KDM4B: variants seen among roughly 807,000 people sequenced by gnomAD.
The protein encoded by KDM4B is lysine demethylase 4B.
Under a neutral mutation model 125.2 loss-of-function variants are expected in KDM4B, and 32 were observed. That is an observed-to-expected ratio of 0.26 (90% CI 0.19 to 0.34). The LOEUF is 0.34. KDM4B is among the 10% of genes least tolerant of loss of function. KDM4B has a pLI of 1.00. For missense variants in KDM4B, 1,190 were observed against 1,577.7 expected (o/e 0.75, Z 4.16); for synonymous variants, 721 against 677.9 (o/e 1.06, Z -0.99).
intron 1 of KDM4B, among the ~76,000 whole-genome samples, chr19:5,007,871 G>C (rs1405135323): frequency 6.6e-6 from 1 of 152,106 alleles, no homozygotes; most frequent in Non-Finnish European, 1.5e-5. Flanking sequence ...TCACTTTCTT[G>C]AGGTCTTTGC....
chr19:5,150,723 G>A (rs964992119), intron 22 of KDM4B, among the ~76,000 whole-genome samples: 2 of 152,082 alleles, frequency 1.3e-5, no homozygotes, highest in Admixed American at 6.5e-5. Flanking sequence ...CCCTTATCAC[G>A]AATGCAGAAC....
At chr19:5,134,184 G>A (rs1356404768) in intron 14 of KDM4B, 123 bp downstream of exon 14, 3 of 889,658 alleles carry the variant, frequency 3.4e-6, no homozygotes, top group East Asian at 2.6e-5. Context: ...CCAGCACCCC[G>A]AGTTGTGAGG....
rs2039679453 is a variant in KDM4B, at chr19:5,137,992, C to T, written c.2472C>T (p.Val824=). 1.2e-6 allele frequency: 2 copies of T among 1,612,452 alleles called. No individual in the cohort carries two copies. Among genetic ancestry groups the T allele is most frequent in the Non-Finnish European group, 1.7e-6 (2 of 1,179,870 alleles). Reference sequence around the variant, plus strand: ...TCCACGTGATCTGTGCCATCGCAGTCCCCGAGGCGCGCTTCCTGAACGTGA... The same window carrying T: ...TCCACGTGATCTGTGCCATCGCAGTTCCCGAGGCGCGCTTCCTGAACGTGA... ...RWIHVICAIA[V]PEARFLNVIE... The change falls in exon 18 of 23, where the codon GTC becomes GTT. Residue 824 remains valine, a synonymous_variant. Transcript: ENST00000159111.
chr19:5,073,279 C>G (rs1050926527), intron 7 of KDM4B, among the ~76,000 whole-genome samples: 1 of 152,258 alleles, frequency 6.6e-6, no homozygotes, highest in African/African-American at 2.4e-5. Context: ...TTGTCTGCTG[C>G]AGGCATGACA....
At chr19:5,033,179 G>C (rs968716418) in intron 3 of KDM4B, 148 bp downstream of exon 3, 1 of 945,172 alleles carries the variant, frequency 1.1e-6, no homozygotes, top group East Asian at 2.5e-5. Context: ...GTTTACCAGC[G>C]CCTGTTTGTG....
chr19:5,061,834 A>G (rs1259562667), intron 6 of KDM4B, among the ~76,000 whole-genome samples: 1 of 152,118 alleles, frequency 6.6e-6, no homozygotes, highest in East Asian at 1.9e-4. Flanking sequence ...CTCTTAAAAA[A>G]AAAAAACAAA....
chr19:5,056,248 A>C (rs530297152), intron 6 of KDM4B, among the ~76,000 whole-genome samples: 36 of 152,168 alleles, frequency 2.4e-4, no homozygotes, highest in Non-Finnish European at 4.0e-4. Flanking sequence ...CCAAGGGTCA[A>C]AGGCGCAGCC....
intron 1 of KDM4B, among the ~76,000 whole-genome samples, chr19:4,999,905 C>T (rs1301121250): frequency 6.9e-6 from 1 of 145,004 alleles, no homozygotes; most frequent in Non-Finnish European, 1.5e-5. Flanking sequence ...ACCTATCCAT[C>T]TATCCACCTG....
At chr19:5,117,267 G>T (rs1159657916) in intron 10 of KDM4B, among the ~76,000 whole-genome samples, 1 of 151,588 alleles carries the variant, frequency 6.6e-6, no homozygotes, top group Non-Finnish European at 1.5e-5. Context: ...CCCCTGGAAG[G>T]CTGCAGCAGG....
At chr19:5,100,484 G>A (rs186506856) in intron 9 of KDM4B, among the ~76,000 whole-genome samples, 5 of 152,304 alleles carry the variant, frequency 3.3e-5, no homozygotes, top group Admixed American at 1.3e-4. Context: ...CTAGAGTGCA[G>A]TGGTGCAGTC....
intron 9 of KDM4B, among the ~76,000 whole-genome samples, chr19:5,101,277 T>TG (rs1263198190): frequency 6.6e-6 from 1 of 150,934 alleles, no homozygotes; most frequent in Non-Finnish European, 1.5e-5. Flanking sequence ...AGGTTTTTGT[T>TG]TTTTTTTTGA....
chr19:5,144,728 A>G (rs1049763860), intron 20 of KDM4B, 55 bp from the exon 21 acceptor site: 8 of 1,605,640 alleles, frequency 5.0e-6, no homozygotes, highest in Admixed American at 1.7e-5. Context: ...AAACCCAGCG[A>G]CAGCCCCCAG....
In KDM4B at chr19:5,076,155, A is replaced by G. The variant is rs1247515122; in HGVS notation, c.677-1212A>G. ...TTGACCGAGTGACGAGAGCGGCCACACTGCATCCTTTCCCCAGGGTCGTGC... is the reference window on the plus strand; with the variant it reads ...TTGACCGAGTGACGAGAGCGGCCACGCTGCATCCTTTCCCCAGGGTCGTGC... On this transcript the variant is annotated intron_variant, in intron 7 of 22. Transcript: ENST00000159111. 8.7e-5 allele frequency: 7 copies of G among 80,356 alleles called. No homozygotes were observed. The East Asian group carries it at 3.8e-3, about 43-fold the overall frequency. 5.0% of individuals were successfully genotyped at this position (80,356 alleles called of 1,614,324 possible).
intron 1 of KDM4B, among the ~76,000 whole-genome samples, chr19:5,010,474 C>A (rs1167263585): frequency 2.6e-5 from 4 of 152,152 alleles, no homozygotes; most frequent in Admixed American, 6.5e-5. Flanking sequence ...ATGTCCTGTT[C>A]CTTCAACTTT....
chr19:4,973,525 A>C (rs1008357389), intron 1 of KDM4B, among the ~76,000 whole-genome samples: 6 of 152,136 alleles, frequency 3.9e-5, no homozygotes, highest in African/African-American at 1.4e-4. Flanking sequence ...CGTTCAAATG[A>C]GCTTAACCAC....
In KDM4B at chr19:5,089,438, T is replaced by C. The variant is rs1220884377; in HGVS notation, c.918+6934T>C. The stretch of plus-strand genomic sequence containing the variant: ...GGGATGGGTTGAACCAGTGGAATGT[T>C]ATGCAGCTGTGAAAATGGGTTTGCT... On this transcript the variant is annotated intron_variant, in intron 9 of 22. Coordinates refer to ENST00000159111, the MANE Select transcript of KDM4B (RefSeq NM_015015.3). 3.9e-5 allele frequency among the ~76,000 whole-genome samples: 6 copies of C among 152,294 alleles called. No homozygotes were observed. The East Asian group carries it at 1.2e-3, about 29-fold the overall frequency.
At chr19:5,094,484 G>A (rs759084403) in intron 9 of KDM4B, among the ~76,000 whole-genome samples, 5 of 152,244 alleles carry the variant, frequency 3.3e-5, no homozygotes, top group Non-Finnish European at 7.3e-5. Context: ...GGCTGGAGAA[G>A]GGACTATGGG....
chr19:5,150,075 G>A (rs188389728), intron 21 of KDM4B, among the ~76,000 whole-genome samples: 5 of 152,340 alleles, frequency 3.3e-5, no homozygotes, highest in Admixed American at 3.3e-4. Flanking sequence ...GGAGGTGAGG[G>A]GTGAGTGTTC....
At chr19:5,028,920 T>A (rs2145599078) in intron 2 of KDM4B, among the ~76,000 whole-genome samples, 1 of 152,350 alleles carries the variant, frequency 6.6e-6, no homozygotes, top group Non-Finnish European at 1.5e-5. Context: ...GCTGGTTTTT[T>A]AGACATGGTT....
Sources: allele counts gnomAD v4.1 joint callset (sites outside exome capture counted in the v4.1 genomes callset), GRCh38; gene constraint gnomAD v4.1.1; transcripts MANE v1.5; gene names NCBI Gene and HGNC (gene_info 2026-07-23, HGNC 2026-07-21).